The following EYA2 variants were observed in gnomAD, a reference collection of about 807,000 sequenced individuals.
EYA2 encodes the protein protein phosphatase EYA2.
A neutral mutation model predicts 69.2 loss-of-function variants in EYA2; 31 were observed. The ratio of observed to expected loss-of-function variants is 0.45; its 90% CI spans 0.34 to 0.60. The LOEUF is 0.60. Among genes scored for constraint, EYA2 ranks in the 20% least tolerant of loss-of-function variants. EYA2 has a pLI of 0.02. For missense variants in EYA2, 622 were observed against 701.2 expected (o/e 0.89, Z 1.28); for synonymous variants, 257 against 279.4 (o/e 0.92, Z 0.80).
chr20:46,967,592 G>A (rs1979867497), intron 1 of EYA2, among the ~76,000 whole-genome samples: 1 of 152,256 alleles, frequency 6.6e-6, no homozygotes, highest in Admixed American at 6.5e-5. Flanking sequence ...CAGGACAGAG[G>A]GAACAGCTGT....
chr20:47,087,170 A>G (rs2031922225), intron 7 of EYA2, among the ~76,000 whole-genome samples: 1 of 152,204 alleles, frequency 6.6e-6, no homozygotes, highest in South Asian at 2.1e-4. Flanking sequence ...TTAGTCTGTT[A>G]AGAAGCTTTT....
chr20:46,941,762 T>C (rs957718592), intron 1 of EYA2, among the ~76,000 whole-genome samples: 2 of 152,116 alleles, frequency 1.3e-5, no homozygotes, highest in African/African-American at 4.8e-5. Context: ...GGTTCTTTTT[T>C]CTTTTTTTTT....
chr20:46,991,968 C>CA (rs36163121), intron 2 of EYA2, among the ~76,000 whole-genome samples: 1,311 of 79,236 alleles, frequency 0.017, 110 homozygotes, highest in East Asian at 0.096. Context: ...GACTCCGTCT[C>CA]AAAAAAAAAA....
chr20:46,913,709 G>T (rs1984760102), intron 1 of EYA2, among the ~76,000 whole-genome samples: 1 of 152,152 alleles, frequency 6.6e-6, no homozygotes, highest in South Asian at 2.1e-4. Context: ...TCTGGGAAGG[G>T]ATATGAAGAG....
intron 7 of EYA2, among the ~76,000 whole-genome samples, chr20:47,076,723 C>A (rs1189741528): frequency 6.6e-6 from 1 of 152,112 alleles, no homozygotes; most frequent in Non-Finnish European, 1.5e-5. Flanking sequence ...AGAGCTAGGT[C>A]CAGGTGTTCC....
At chr20:46,903,910 T>A (rs1297292232) in intron 1 of EYA2, among the ~76,000 whole-genome samples, 1 of 152,210 alleles carries the variant, frequency 6.6e-6, no homozygotes, top group Non-Finnish European at 1.5e-5. Flanking sequence ...GGAAAACACT[T>A]AGCTTTGCTA....
At chr20:46,954,634 A>G (rs989720926) in intron 1 of EYA2, among the ~76,000 whole-genome samples, 2 of 152,204 alleles carry the variant, frequency 1.3e-5, no homozygotes, top group East Asian at 3.8e-4. Context: ...CAGCAACAAC[A>G]TAAACAGATG....
chr20:47,179,923 GCCCTCA>G lies in EYA2; in HGVS notation c.1313+12_1313+17del, dbSNP rs1330649418. The G allele has an allele frequency of 6.2e-7, 1 of 1,603,210 alleles. No individual in the cohort carries two copies. The highest frequency in any genetic ancestry group is 1.7e-5 in the Admixed American group (1 of 59,942). On this transcript the variant is annotated intron_variant, in intron 13 of 15. Transcript: ENST00000327619. ...CCTCATCAACTCCCGGCAAGTGGCA[GCCCTCA>G]TTTTCCTCTGTGCCACTGAACTTTC... is the stretch of plus-strand genomic sequence containing the variant.
Position 47,061,601 on chromosome 20 carries a change from C to CA in EYA2, c.416-10583dup, listed in dbSNP as rs1434083551. ...ATTTTGCCTACCTCAATCTAATTCACAGTTGGTTCACCAACGGCAGCCAGT... is the reference window on the plus strand; with the variant it reads ...ATTTTGCCTACCTCAATCTAATTCACAAGTTGGTTCACCAACGGCAGCCAGT... On this transcript the variant is annotated intron_variant, in intron 5 of 15. Coordinates refer to ENST00000327619, the MANE Select transcript of EYA2 (RefSeq NM_005244.5). 5.3e-5 allele frequency among the ~76,000 whole-genome samples: 8 copies of CA among 152,170 alleles called. No homozygotes were observed. In the East Asian group the frequency reaches 1.5e-3, roughly 29 times the overall value.
chr20:47,106,319 G>T (rs758162126), intron 9 of EYA2, among the ~76,000 whole-genome samples: 1 of 152,178 alleles, frequency 6.6e-6, no homozygotes, highest in Non-Finnish European at 1.5e-5. Flanking sequence ...CTCAGTAAAC[G>T]TTTGTTGATT....
chr20:47,074,452 A>C, intron 7 of EYA2, 117 bp downstream of exon 7: 2 of 1,110,290 alleles, frequency 1.8e-6, no homozygotes, highest in Non-Finnish European at 2.6e-6. Context: ...TCATTCATGG[A>C]TGTGGCCTGA....
chr20:47,017,559 TGAAAG>T (rs1983485780), intron 5 of EYA2, among the ~76,000 whole-genome samples: 1 of 152,142 alleles, frequency 6.6e-6, no homozygotes, highest in Admixed American at 6.5e-5. Context: ...AAAAAAATTG[TGAAAG>T]GAGAATAAAT....
chr20:47,181,042 G>C, intron 14 of EYA2, 106 bp downstream of exon 14: 3 of 1,462,506 alleles, frequency 2.1e-6, no homozygotes, highest in Non-Finnish European at 2.8e-6. Flanking sequence ...AGAAATGGAT[G>C]GAGTGTGCCT....
intron 10 of EYA2, among the ~76,000 whole-genome samples, chr20:47,148,881 G>A (rs1209726505): frequency 6.6e-6 from 1 of 152,166 alleles, no homozygotes; most frequent in Non-Finnish European, 1.5e-5. Context: ...CCACTGTCGA[G>A]TCAGAGCTGG....
At chr20:47,148,655 C>G (rs1050380234) in intron 10 of EYA2, among the ~76,000 whole-genome samples, 1 of 152,198 alleles carries the variant, frequency 6.6e-6, no homozygotes, top group Non-Finnish European at 1.5e-5. Flanking sequence ...GCCACTTTGC[C>G]TTTGTGCAAG....
intron 1 of EYA2, among the ~76,000 whole-genome samples, chr20:46,931,875 A>G (rs1056757216): frequency 2.0e-5 from 3 of 151,862 alleles, no homozygotes; most frequent in Non-Finnish European, 2.9e-5. Flanking sequence ...CACCAATAGG[A>G]GTCTCAGGAG....
rs780109158 is a variant in EYA2 at position 47,143,078 on chromosome 20, G to A, written c.908G>A (p.Arg303His). Residue 303 changes from arginine to histidine, a missense_variant, in exon 10 of 16, where the codon CGC (arginine) becomes CAC (histidine). Arg to His is a conservative substitution (Grantham distance 29). This residue lies in a region of EYA2 where 257 missense variants were observed against 351.5 expected (regional missense o/e 0.73). Transcript: ENST00000327619. Reference protein sequence around the residue: ...RYGKDTTTSVRIGLMMEEMIF... With the variant: ...RYGKDTTTSVHIGLMMEEMIF... ...TCGCAGGACACCACGACGTCCGTGCGCATTGGCCTTATGATGGAAGAGATG... is the reference window on the plus strand; with the variant it reads ...TCGCAGGACACCACGACGTCCGTGCACATTGGCCTTATGATGGAAGAGATG... 8.7e-6 allele frequency: 14 copies of A among 1,613,608 alleles called. No homozygotes were observed. The highest frequency in any genetic ancestry group is 5.5e-5 in the South Asian group (5 of 91,012).
At position 47,049,911 on chromosome 20, in the gene EYA2, T is replaced by C. The variant is rs139274363; in HGVS notation, c.416-22274T>C. 2.5e-4 allele frequency among the ~76,000 whole-genome samples: 37 copies of C among 149,736 alleles called. No homozygotes were observed. In the East Asian group the frequency reaches 6.0e-3, roughly 24 times the overall value. On this transcript the variant is annotated intron_variant, in intron 5 of 15. Coordinates refer to ENST00000327619, the MANE Select transcript of EYA2 (RefSeq NM_005244.5). ...TCTTTCTCTCATGATTTTGACACTT[T>C]TGATGAATACTAGCTGGACATTTTG...
At chr20:46,908,870 C>CTTTTTTTTTTTTTTTTT (rs56834738) in intron 1 of EYA2, among the ~76,000 whole-genome samples, 3 of 47,582 alleles carry the variant, frequency 6.3e-5, no homozygotes, top group African/African-American at 1.7e-4. Context: ...CTCTCCCGCA[C>CTTTTTTTTTTTTTTTTT]TTTTTTTTTT....
Sources: gnomAD v4.1 joint callset for allele counts (sites outside exome capture counted in the v4.1 genomes callset) on GRCh38, gnomAD v4.1.1 for gene constraint, gnomAD v4.1.1 regional missense constraint, MANE v1.5 for transcripts, NCBI Gene and HGNC (gene_info 2026-07-23, HGNC 2026-07-21) for gene names.